Variants in TF observed in about 807,000 individuals in gnomAD.
TF encodes transferrin.
In TF, 55 loss-of-function variants were observed where a neutral mutation model predicts 82.4. The observed-to-expected ratio is 0.67, with a 90% CI of 0.54 to 0.84. The LOEUF (loss-of-function observed/expected upper bound fraction) is 0.84, where lower values mean the gene tolerates loss of function less well. TF is among the 40% of genes least tolerant of loss of function. The probability of loss-of-function intolerance (pLI) is 0.00; values close to 1 mark genes in which losing one functional copy is unlikely to be tolerated. For missense variants in TF, 737 were observed against 868.4 expected (o/e 0.85, Z 1.90); for synonymous variants, 332 against 332.6 (o/e 1.00, Z 0.02).
upstream of TF, among the ~76,000 whole-genome samples, chr3:133,741,362 A>AT (rs1170095110): frequency 2.0e-5 from 3 of 152,168 alleles, no homozygotes; most frequent in Admixed American, 2.0e-4. Flanking sequence ...TATTATGCAT[A>AT]AAGATGAGAA....
At chr3:133,758,435 G>A (rs1933899453) in intron 8 of TF, among the ~76,000 whole-genome samples, 1 of 152,168 alleles carries the variant, frequency 6.6e-6, no homozygotes, top group Non-Finnish European at 1.5e-5. Flanking sequence ...GCTCTGCTAG[G>A]TGCTGGACAT....
At chr3:133,669,007 C>CT in the TF span, among the ~76,000 whole-genome samples, 11 of 151,238 alleles carry the variant, frequency 7.3e-5, 1 homozygote, top group East Asian at 1.9e-4. Context: ...TTTCTTTTTT[C>CT]TTTTTTTTTC....
the TF span, among the ~76,000 whole-genome samples, chr3:133,712,983 C>A: frequency 3.3e-5 from 5 of 152,192 alleles, no homozygotes; most frequent in Non-Finnish European, 7.3e-5. Flanking sequence ...TTCTCTAGGG[C>A]ACTCTCCTGC....
At chr3:133,689,494 T>C in the TF span, among the ~76,000 whole-genome samples, 13 of 152,280 alleles carry the variant, frequency 8.5e-5, 2 homozygotes, top group South Asian at 2.7e-3. Context: ...TTAGTAAAAG[T>C]TTAATCAAAA....
the TF span, among the ~76,000 whole-genome samples, chr3:133,736,631 C>CAAAAAAAAAAAAAAAAAA: frequency 2.1e-4 from 7 of 32,562 alleles, no homozygotes; most frequent in African/African-American, 3.8e-4. Flanking sequence ...AATGGAAAGC[C>CAAAAAAAAAAAAAAAAAA]AAAAAAAAAA....
At chr3:133,686,664 A>C in the TF span, among the ~76,000 whole-genome samples, 9 of 152,226 alleles carry the variant, frequency 5.9e-5, no homozygotes, top group African/African-American at 2.2e-4. Flanking sequence ...ATCTCACACC[A>C]GTTAGAATGG....
At chr3:133,690,032 T>C in the TF span, among the ~76,000 whole-genome samples, 1 of 151,736 alleles carries the variant, frequency 6.6e-6, no homozygotes, top group Non-Finnish European at 1.5e-5. Flanking sequence ...TTCAGAAAAA[T>C]AATCAAGTGA....
chr3:133,698,498 C>A, the TF span, among the ~76,000 whole-genome samples: 1 of 152,198 alleles, frequency 6.6e-6, no homozygotes, highest in Non-Finnish European at 1.5e-5. Flanking sequence ...TGAGGAGAAT[C>A]TGTTCCAGGC....
the TF span, among the ~76,000 whole-genome samples, chr3:133,673,136 A>G: frequency 6.6e-6 from 1 of 152,246 alleles, no homozygotes; most frequent in African/African-American, 2.4e-5. Context: ...TTCATGATGT[A>G]TGGGGAAACC....
the TF span, among the ~76,000 whole-genome samples, chr3:133,717,275 A>T: frequency 6.6e-6 from 1 of 152,176 alleles, no homozygotes; most frequent in Admixed American, 6.5e-5. Flanking sequence ...CCCTCCTTGA[A>T]AGGGCTGATA....
At chr3:133,771,743 C>CA (rs71136494) in intron 14 of TF, among the ~76,000 whole-genome samples, 13,207 of 56,328 alleles carry the variant, frequency 0.23, 2,141 homozygotes, top group Middle Eastern at 0.3. Context: ...GACTCCGTCT[C>CA]AAAAAAAAAA....
intron 14 of TF, chr3:133,773,933 T>A (rs1934322207): frequency 6.6e-6 from 1 of 152,274 alleles, no homozygotes; most frequent in Non-Finnish European, 1.5e-5. Context: ...TCGCCTGCAC[T>A]CTCCTTTCCT....
rs1243720737 is a variant in TF at position 133,746,453 on chromosome 3, G to T, written c.13G>T (p.Val5Leu). ...CCGCACCCGGAAGATGAGGCTCGCC[G>T]TGGGAGCCCTGCTGGTCTGCGCCGT... MRLA[V>L]GALLVCAVLG... The change falls in exon 1 of 17, where the codon GTG (valine) becomes TTG (leucine). Residue 5 changes from valine (V) to leucine (L), a missense_variant. Transcript: ENST00000402696. 2 of 1,600,604 alleles carry T rather than the reference G, an allele frequency of 1.2e-6. No individual in the cohort carries two copies. Among genetic ancestry groups the T allele is most frequent in the Non-Finnish European group, 1.7e-6 (2 of 1,177,210 alleles).
At chr3:133,753,789 T>G in intron 3 of TF, 86 bp downstream of exon 3, 1 of 1,065,374 alleles carries the variant, frequency 9.4e-7, no homozygotes, top group Non-Finnish European at 1.5e-6. Context: ...GTTTTGGATA[T>G]CAGATATAAT....
intron 15 of TF, among the ~76,000 whole-genome samples, chr3:133,776,369 C>T (rs956712462): frequency 2.0e-5 from 3 of 152,198 alleles, no homozygotes; most frequent in Non-Finnish European, 2.9e-5. Context: ...ATCCTAAAGG[C>T]CCCTCCACAC....
chr3:133,663,086 C>T, the TF span, among the ~76,000 whole-genome samples: 102 of 152,138 alleles, frequency 6.7e-4, 1 homozygote, highest in Admixed American at 3.1e-3. Flanking sequence ...GTTCCTCATC[C>T]TCTACCATCC....
chr3:133,756,780 C>T, intron 6 of TF, 51 bp from the exon 7 acceptor site: 2 of 1,607,198 alleles, frequency 1.2e-6, no homozygotes, highest in Non-Finnish European at 1.7e-6. Flanking sequence ...GGATGGGCAC[C>T]ACAGCCCATG....
chr3:133,668,809 A>G, the TF span, among the ~76,000 whole-genome samples: 1 of 151,958 alleles, frequency 6.6e-6, no homozygotes, highest in Non-Finnish European at 1.5e-5. Flanking sequence ...ACCTATAGGG[A>G]AAAAAACCCC....
chr3:133,754,735 T>G (rs540623974), intron 4 of TF, 64 bp downstream of exon 4: 1 of 1,547,706 alleles, frequency 6.5e-7, no homozygotes, highest in East Asian at 2.2e-5. Flanking sequence ...CCACACAGGC[T>G]GCACTAGACA....
Sources: gnomAD v4.1 joint callset for allele counts (sites outside exome capture counted in the v4.1 genomes callset) on GRCh38, gnomAD v4.1.1 for gene constraint, MANE v1.5 for transcripts, NCBI Gene and HGNC (gene_info 2026-07-23, HGNC 2026-07-21) for gene names.